Variants in CCDC30 observed in about 807,000 individuals in gnomAD.
The protein encoded by CCDC30 is coiled-coil domain-containing protein 30.
CCDC30 carries 70 observed loss-of-function variants against 100.2 expected under a neutral mutation model. The observed-to-expected ratio is 0.70, with a 90% CI of 0.58 to 0.85. The LOEUF (loss-of-function observed/expected upper bound fraction) is 0.85. Ranked by LOEUF, CCDC30 falls within the 40% of genes least tolerant of loss-of-function variation. The probability of loss-of-function intolerance (pLI) is 0.00; values close to 1 mark genes in which losing one functional copy is unlikely to be tolerated. For synonymous variants in CCDC30, 233 were observed against 269.5 expected (o/e 0.86, Z 1.33); for missense variants, 652 against 771.2 (o/e 0.85, Z 1.83).
At chr1:42,649,914 A>G (rs565998409) in intron 15 of CCDC30, among the ~76,000 whole-genome samples, 2 of 152,342 alleles carry the variant, frequency 1.3e-5, no homozygotes, top group South Asian at 4.1e-4. Context: ...CGTATACTTA[A>G]AACTACAAAA....
At chr1:42,522,724 A>T (rs1644667035) in intron 6 of CCDC30, among the ~76,000 whole-genome samples, 1 of 152,356 alleles carries the variant, frequency 6.6e-6, no homozygotes, top group South Asian at 2.1e-4. Flanking sequence ...AAATAAATGA[A>T]TCTTTTCAAT....
chr1:42,548,630 T>C (rs1645190076), intron 6 of CCDC30, among the ~76,000 whole-genome samples: 1 of 152,148 alleles, frequency 6.6e-6, no homozygotes, highest in Admixed American at 6.5e-5. Context: ...GTGAAATAGT[T>C]GCTGCTGCTG....
At chr1:42,650,523 G>A (rs1648260074) in intron 15 of CCDC30, among the ~76,000 whole-genome samples, 2 of 151,634 alleles carry the variant, frequency 1.3e-5, no homozygotes, top group Non-Finnish European at 2.9e-5. Flanking sequence ...GTGTGTGTGT[G>A]TGTGTGTGTG....
chr1:42,578,078 T>A (rs1645880335), intron 8 of CCDC30, among the ~76,000 whole-genome samples: 2 of 152,208 alleles, frequency 1.3e-5, no homozygotes, highest in Admixed American at 6.5e-5. Context: ...TGTCCCTTCA[T>A]TTTAGATTGC....
rs193141358 is a variant in CCDC30 at position 42,553,386 on chromosome 1, T to C, written c.457-12910T>C. On this transcript the variant is annotated intron_variant, in intron 6 of 16. Coordinates refer to ENST00000668663, the Ensembl canonical transcript of CCDC30. ...ACCTTTCAAAGTCTTTTAATGTTTG[T>C]TTTATATATAATGTTCAGAGTTTTT... Among the ~76,000 whole-genome samples, 98 of 152,172 alleles carry C rather than the reference T, an allele frequency of 6.4e-4. 2 individuals are homozygous for C. Among genetic ancestry groups the C allele is most frequent in the Middle Eastern group, 3.4e-3 (1 of 294 alleles).
At chr1:42,489,453 C>T (rs572447537) in intron 3 of CCDC30, among the ~76,000 whole-genome samples, 92 of 152,232 alleles carry the variant, frequency 6.0e-4, no homozygotes, top group African/African-American at 2.0e-3. Context: ...CTGAGTGTTA[C>T]GGATGTAATA....
At chr1:42,637,438 G>T in intron 12 of CCDC30, 60 bp downstream of exon 16, 2 of 1,512,074 alleles carry the variant, frequency 1.3e-6, no homozygotes, top group Non-Finnish European at 1.8e-6. Context: ...GCCATTTGGA[G>T]AAAGCCTTTT....
chr1:42,461,849 A>G (rs774923377), upstream of CCDC30, among the ~76,000 whole-genome samples: 2 of 152,124 alleles, frequency 1.3e-5, no homozygotes, highest in Non-Finnish European at 2.9e-5. Context: ...CCAGCCACCC[A>G]GGCTCCTTTG....
chr1:42,639,238 CACACAGACAG>C (rs75791671), intron 12 of CCDC30, among the ~76,000 whole-genome samples: 30,403 of 151,910 alleles, frequency 0.2, 3,753 homozygotes, highest in Non-Finnish European at 0.26. Context: ...GAGGGGAAAA[CACACAGACAG>C]ACACAGACAG....
chr1:42,653,895 C>T, exon 17 of CCDC30: 1 of 1,613,988 alleles, frequency 6.2e-7, no homozygotes, highest in Non-Finnish European at 8.5e-7. Flanking sequence ...GAAGCAATGG[C>T]AAGTTCAAAG....
intron 6 of CCDC30, among the ~76,000 whole-genome samples, chr1:42,546,458 GAT>G (rs35692775): frequency 0.29 from 34,201 of 117,452 alleles, 6,252 homozygotes; most frequent in East Asian, 0.41. Context: ...CTAATAAAAG[GAT>G]ATATATATAT....
upstream of CCDC30, among the ~76,000 whole-genome samples, chr1:42,461,615 C>T (rs1199649023): frequency 1.3e-5 from 2 of 150,540 alleles, no homozygotes; most frequent in Non-Finnish European, 2.9e-5. Context: ...GGCACAATCT[C>T]GGCTCACTGC....
chr1:42,478,331 A>G (rs1643906221), intron 1 of CCDC30, among the ~76,000 whole-genome samples: 1 of 152,208 alleles, frequency 6.6e-6, no homozygotes, highest in Non-Finnish European at 1.5e-5. Flanking sequence ...GTGAGGGAAG[A>G]TGAACTGATT....
intron 10 of CCDC30, among the ~76,000 whole-genome samples, chr1:42,601,948 T>C (rs1646411898): frequency 1.3e-5 from 2 of 152,246 alleles, no homozygotes; most frequent in South Asian, 4.1e-4. Context: ...GAAAAGAAAT[T>C]CAGAAATTCA....
chr1:42,576,454 A>G (rs2762697), intron 7 of CCDC30, among the ~76,000 whole-genome samples: 93,577 of 152,084 alleles, frequency 0.62, 29,491 homozygotes, highest in East Asian at 0.81. Context: ...TTGGAGATAC[A>G]GGCAGAATCA....
intron 6 of CCDC30, among the ~76,000 whole-genome samples, chr1:42,526,447 TG>T (rs1278626077): frequency 1.3e-5 from 2 of 152,306 alleles, no homozygotes; most frequent in African/African-American, 4.8e-5. Flanking sequence ...TGGCTCATTT[TG>T]TCAAATCATA....
At chr1:42,500,958 T>G (rs1644304145) in intron 6 of CCDC30, among the ~76,000 whole-genome samples, 1 of 152,154 alleles carries the variant, frequency 6.6e-6, no homozygotes, top group Non-Finnish European at 1.5e-5. Flanking sequence ...AATCTTTTCT[T>G]ATTCTATGAC....
chr1:42,633,727 T>C (rs1226031510), intron 11 of CCDC30, among the ~76,000 whole-genome samples: 2 of 152,112 alleles, frequency 1.3e-5, no homozygotes, highest in African/African-American at 4.8e-5. Context: ...CTGGGCAACA[T>C]AGCGAGACCT....
intron 1 of CCDC30, among the ~76,000 whole-genome samples, chr1:42,466,086 ATGTG>A: frequency 6.6e-6 from 1 of 152,276 alleles, no homozygotes; most frequent in Non-Finnish European, 1.5e-5. Context: ...TTTATTTAAG[ATGTG>A]TGTGAGTTTT....
Sources: allele counts gnomAD v4.1 joint callset (sites outside exome capture counted in the v4.1 genomes callset), GRCh38; gene constraint gnomAD v4.1.1; transcripts MANE v1.5; gene names NCBI Gene and HGNC (gene_info 2026-07-23, HGNC 2026-07-21).